The following GRM7 variants were observed in gnomAD, a reference collection of about 807,000 sequenced individuals.
GRM7 encodes metabotropic glutamate receptor 7.
GRM7 carries 35 observed loss-of-function variants against 84.5 expected under a neutral mutation model. The ratio of observed to expected loss-of-function variants is 0.41; its 90% CI spans 0.32 to 0.55. GRM7 has a LOEUF of 0.55. Ranked by LOEUF, GRM7 falls within the 20% of genes least tolerant of loss-of-function variation. The probability of loss-of-function intolerance (pLI) is 0.19; values close to 1 mark genes in which losing one functional copy is unlikely to be tolerated. For missense variants in GRM7, 1,003 were observed against 1,194.6 expected (o/e 0.84, Z 2.36); for synonymous variants, 487 against 455.1 (o/e 1.07, Z -0.89).
At chr3:7,717,811 T>G (rs1032303985) in intron 9 of GRM7, among the ~76,000 whole-genome samples, 1 of 152,170 alleles carries the variant, frequency 6.6e-6, no homozygotes, top group African/African-American at 2.4e-5. Context: ...CCAGAGATGC[T>G]TACTATGGAC....
At chr3:7,398,305 C>T (rs79035250) in intron 4 of GRM7, among the ~76,000 whole-genome samples, 61 of 152,142 alleles carry the variant, frequency 4.0e-4, no homozygotes, top group African/African-American at 1.3e-3. Flanking sequence ...TTCCATGAAA[C>T]GAAAGGTTTG....
At chr3:7,143,261 C>G (rs928419812) in intron 1 of GRM7, among the ~76,000 whole-genome samples, 2 of 152,136 alleles carry the variant, frequency 1.3e-5, no homozygotes, top group Non-Finnish European at 2.9e-5. Context: ...AAGCAAGTAA[C>G]TAAACATGAA....
chr3:7,550,686 C>G (rs1376338670), intron 7 of GRM7, among the ~76,000 whole-genome samples: 1 of 149,624 alleles, frequency 6.7e-6, no homozygotes, highest in Non-Finnish European at 1.5e-5. Flanking sequence ...CTGCTTTCTC[C>G]AGACCTTTCT....
intron 5 of GRM7, among the ~76,000 whole-genome samples, chr3:7,427,098 C>T (rs1342528103): frequency 6.6e-6 from 1 of 152,148 alleles, no homozygotes; most frequent in Admixed American, 6.6e-5. Context: ...TTCAGAAGCC[C>T]ATTATGTTGT....
At chr3:7,044,174 G>C (rs1003594504) in intron 1 of GRM7, among the ~76,000 whole-genome samples, 5 of 152,140 alleles carry the variant, frequency 3.3e-5, no homozygotes, top group African/African-American at 1.2e-4. Flanking sequence ...ACATTCTTCT[G>C]TTTATCTTCC....
chr3:7,442,610 G>A (rs1697335556), intron 5 of GRM7, among the ~76,000 whole-genome samples: 1 of 152,114 alleles, frequency 6.6e-6, no homozygotes, highest in South Asian at 2.1e-4. Flanking sequence ...AAGGGGCATG[G>A]TAGCAGTGAG....
intron 1 of GRM7, among the ~76,000 whole-genome samples, chr3:7,006,136 C>G (rs1279490574): frequency 2.6e-5 from 4 of 152,154 alleles, no homozygotes; most frequent in Non-Finnish European, 5.9e-5. Context: ...ATCTGAATTT[C>G]AAAGGAGTAG....
At chr3:7,621,982 C>G (rs1697382429) in intron 8 of GRM7, among the ~76,000 whole-genome samples, 1 of 152,150 alleles carries the variant, frequency 6.6e-6, no homozygotes. Flanking sequence ...CAACTCTATC[C>G]TCATCAGACT....
intron 2 of GRM7, among the ~76,000 whole-genome samples, chr3:7,181,736 G>A (rs2125097573): frequency 6.6e-6 from 1 of 152,126 alleles, no homozygotes; most frequent in Non-Finnish European, 1.5e-5. Context: ...AGCCTCCCCA[G>A]TAGCTGGAAC....
chr3:7,027,482 C>G lies in GRM7; in HGVS notation c.520-118970C>G, dbSNP rs77322998. Among the ~76,000 whole-genome samples, 483 of 152,228 alleles carry G rather than the reference C, an allele frequency of 3.2e-3. 4 individuals are homozygous for G. The East Asian group carries it at 0.05, about 16-fold the overall frequency. On this transcript the variant is annotated intron_variant, in intron 1 of 9. Coordinates refer to ENST00000357716, the MANE Select transcript of GRM7 (RefSeq NM_000844.4). The stretch of plus-strand genomic sequence containing the variant: ...ATTTTGATTACATCCAACGAGCTTA[C>G]TCATTTATGTCATTTCATTATTGTT...
chr3:7,433,937 C>T (rs1263976980), intron 5 of GRM7, among the ~76,000 whole-genome samples: 1 of 152,148 alleles, frequency 6.6e-6, no homozygotes, highest in Non-Finnish European at 1.5e-5. Flanking sequence ...AAATGGACAT[C>T]TTAATATTGG....
At chr3:7,176,386 C>T (rs1695151951) in intron 2 of GRM7, among the ~76,000 whole-genome samples, 1 of 151,792 alleles carries the variant, frequency 6.6e-6, no homozygotes, top group Non-Finnish European at 1.5e-5. Flanking sequence ...CACTTCACTC[C>T]AGTCTGGGTG....
intron 2 of GRM7, among the ~76,000 whole-genome samples, chr3:7,251,345 T>G (rs138145528): frequency 6.6e-6 from 1 of 152,262 alleles, no homozygotes; most frequent in East Asian, 1.9e-4. Flanking sequence ...ATGATTAAGT[T>G]ATTCTCCGAA....
intron 7 of GRM7, among the ~76,000 whole-genome samples, chr3:7,478,652 G>T (rs1236953281): frequency 6.6e-6 from 1 of 152,102 alleles, no homozygotes; most frequent in African/African-American, 2.4e-5. Flanking sequence ...CTGGATCATG[G>T]GCAGGCCATG....
chr3:7,505,661 C>T (rs1480774690), intron 7 of GRM7, among the ~76,000 whole-genome samples: 1 of 152,152 alleles, frequency 6.6e-6, no homozygotes, highest in Non-Finnish European at 1.5e-5. Context: ...TGACTTATAC[C>T]TTCTATAGTT....
intron 1 of GRM7, among the ~76,000 whole-genome samples, chr3:7,065,647 T>A (rs1697627125): frequency 6.6e-6 from 1 of 151,928 alleles, no homozygotes; most frequent in South Asian, 2.1e-4. Context: ...TTGTTCTTTT[T>A]GCTTAGTCTT....
At chr3:7,641,354 T>C (rs1183860486) in intron 8 of GRM7, among the ~76,000 whole-genome samples, 2 of 152,222 alleles carry the variant, frequency 1.3e-5, no homozygotes, top group Non-Finnish European at 2.9e-5. Context: ...ATTATTCAAA[T>C]GTGTCCTGGG....
chr3:6,875,003 G>T (rs961019895), intron 1 of GRM7, among the ~76,000 whole-genome samples: 30 of 152,150 alleles, frequency 2.0e-4, no homozygotes, highest in African/African-American at 7.2e-4. Flanking sequence ...CAAGTGTGGG[G>T]TCTTACTCAT....
At chr3:7,457,427 T>A (rs78999356) in intron 6 of GRM7, among the ~76,000 whole-genome samples, 1,863 of 152,296 alleles carry the variant, frequency 0.012, 39 homozygotes, top group African/African-American at 0.042. Flanking sequence ...TATCTTTATG[T>A]TGGCCCATCA....
Sources: gnomAD v4.1 joint callset for allele counts (sites outside exome capture counted in the v4.1 genomes callset) on GRCh38, gnomAD v4.1.1 for gene constraint, MANE v1.5 for transcripts, NCBI Gene and HGNC (gene_info 2026-07-23, HGNC 2026-07-21) for gene names.